The following MIGA2 variants were observed in gnomAD, a reference collection of about 807,000 sequenced individuals.
MIGA2 encodes mitoguardin 2, also known as family with sequence similarity 73, member B.
In MIGA2, 36 loss-of-function variants were observed where a neutral mutation model predicts 69.9. The observed-to-expected ratio is 0.52, with a 90% confidence interval of 0.39 to 0.68. The LOEUF (loss-of-function observed/expected upper bound fraction) is 0.68. Among genes scored for constraint, MIGA2 ranks in the 30% least tolerant of loss-of-function variants. The pLI is 0.00. For missense variants in MIGA2, 660 were observed against 787.7 expected, an observed-to-expected ratio of 0.84 and a Z score of 1.94; for synonymous variants, 333 against 349.2, an observed-to-expected ratio of 0.95 and a Z score of 0.52.
Position 129,061,335 on chromosome 9 carries a change from C to T in MIGA2, c.999C>T (p.Cys333=). The T allele has an allele frequency of 6.2e-7, 1 of 1,611,052 alleles. No individual in the cohort carries two copies. The highest frequency in any genetic ancestry group is 8.5e-7 in the Non-Finnish European group (1 of 1,179,262). The stretch of plus-strand genomic sequence containing the variant: ...TGGTGAAGGAGGGGAGAGTGCCTTG[C>T]CGGACCCTCAGGTGAGCAGGTGTGG... ...LQLVKEGRVP[C]RTLRTELLGC... The change falls in exon 9 of 16, where the codon TGC becomes TGT. Residue 333 remains cysteine (C), a synonymous_variant. Transcript: ENST00000684074. This position sits in a 1 kb window ranked among gnomAD's most constrained non-coding sequence, Gnocchi z 5.0.
At chr9:129,049,529 G>A in intron 5 of MIGA2, 31 bp downstream of exon 5, 1 of 1,601,784 alleles carries the variant, frequency 6.2e-7, no homozygotes, top group Non-Finnish European at 8.5e-7. Flanking sequence ...AGCTTCGAGG[G>A]CAGGGTGGGT....
In MIGA2 at chr9:129,049,947, C is replaced by T; in HGVS notation, c.659C>T (p.Ser220Leu). 2 of 1,613,308 alleles carry T rather than the reference C, an allele frequency of 1.2e-6. No individual in the cohort carries two copies. The highest frequency in any genetic ancestry group is 1.7e-6 in the Non-Finnish European group (2 of 1,179,832). ...GGCCTCCGGAACCCAGAGACTGCAT[C>T]AGAGCCACTGTCTGAGGTAGGTGGT... Reference protein sequence around the residue: ...RDGLRNPETASEPLSEPESQR... With the variant: ...RDGLRNPETALEPLSEPESQR... Residue 220 changes from serine to leucine, a missense_variant, in exon 6 of 16, where the codon TCA (serine) becomes TTA (leucine). Transcript: ENST00000684074.
intron 5 of MIGA2, 72 bp downstream of exon 5, chr9:129,049,570 C>A: frequency 6.7e-7 from 1 of 1,490,286 alleles, no homozygotes; most frequent in Non-Finnish European, 9.3e-7. Context: ...AGGAGCTTGG[C>A]CAGTCTTGGG....
intron 3 of MIGA2, among the ~76,000 whole-genome samples, chr9:129,044,698 A>T (rs2131346937): frequency 6.6e-6 from 1 of 152,106 alleles, no homozygotes; most frequent in Admixed American, 6.5e-5. Flanking sequence ...AATTACAGGC[A>T]TGAGCCACCA....
chr9:129,063,029 C>T (rs904559566), intron 9 of MIGA2: 15 of 594,404 alleles, frequency 2.5e-5, no homozygotes, highest in Middle Eastern at 4.4e-4. Context: ...GAGGCTGACA[C>T]GTCCTCAGAG....
intron 4 of MIGA2, among the ~76,000 whole-genome samples, chr9:129,048,858 G>A (rs1333728852): frequency 1.3e-5 from 2 of 152,190 alleles, no homozygotes; most frequent in Non-Finnish European, 2.9e-5. Context: ...CACTGGAGGT[G>A]TAGAGATAAA....
intron 6 of MIGA2, 56 bp downstream of exon 6, chr9:129,050,019 GA>G: frequency 1.3e-6 from 2 of 1,565,442 alleles, no homozygotes; most frequent in Non-Finnish European, 1.7e-6. Flanking sequence ...CAGCACAGGA[GA>G]GGGGCGGCCA....
In MIGA2 at chr9:129,069,131, T is replaced by C; in HGVS notation, c.1458+2T>C. The C allele has an allele frequency of 6.2e-7, 1 of 1,613,894 alleles. No individual in the cohort carries two copies. The highest frequency in any genetic ancestry group is 8.5e-7 in the Non-Finnish European group (1 of 1,179,944). On this transcript the variant is annotated splice_donor_variant, in intron 14 of 15. Coordinates refer to ENST00000684074, the MANE Select transcript of MIGA2 (RefSeq NM_001329990.2). LOFTEE classifies it high-confidence loss of function. This position sits in a 1 kb window ranked among gnomAD's most constrained non-coding sequence, Gnocchi z 4.9. ...AAAGCCAAGAGGAGGCTGCTGATGG[T>C]GAGTGACTGGCAGGCCCGGGGGAGC... is the stretch of plus-strand genomic sequence containing the variant.
intron 3 of MIGA2, among the ~76,000 whole-genome samples, chr9:129,043,867 A>AT (rs1299166223): frequency 1.3e-5 from 2 of 150,936 alleles, no homozygotes; most frequent in Admixed American, 1.3e-4. Flanking sequence ...AGCCCGGCTA[A>AT]TTTTTTGTAT....
At chr9:129,049,336 C>A (rs1320435608) in intron 4 of MIGA2, 45 bp from the exon 5 acceptor site, 3 of 1,587,416 alleles carry the variant, frequency 1.9e-6, no homozygotes, top group Non-Finnish European at 2.6e-6. Flanking sequence ...CTGCAGAGAG[C>A]CCGGGAAAGC....
Position 129,061,497 on chromosome 9 carries a change from C to CA in MIGA2, c.1010+151_1010+152insA. ...GGGCCGTGGTGAGCTGGTGACAGCT[C>CA]CTCCCCCAGCTGCAGAGGGCCTGGA... On this transcript the variant is annotated intron_variant, in intron 9 of 15. Transcript: ENST00000684074. The surrounding 1 kb of genome is among the most constrained non-coding windows in gnomAD (Gnocchi z 5.0). The CA allele has an allele frequency of 4.5e-6, 3 of 660,000 alleles. No homozygotes were observed. The highest frequency in any genetic ancestry group is 7.8e-6 in the Non-Finnish European group (3 of 384,894). 40.9% of individuals were successfully genotyped at this position (660,000 alleles called of 1,614,324 possible).
Position 129,069,183 on chromosome 9 carries a change from T to C in MIGA2, c.1458+54T>C, listed in dbSNP as rs1846530394. 2 of 1,610,014 alleles carry C rather than the reference T, an allele frequency of 1.2e-6. No individual in the cohort carries two copies. The highest frequency in any genetic ancestry group is 8.5e-7 in the Non-Finnish European group (1 of 1,177,866). Reference sequence around the variant, plus strand: ...CGAGCTGGGCTCTGAGGCAGCGTGGTGGGGAGCGGAGCGGGTGCAGGGTGG... The same window carrying C: ...CGAGCTGGGCTCTGAGGCAGCGTGGCGGGGAGCGGAGCGGGTGCAGGGTGG... On this transcript the variant is annotated intron_variant, in intron 14 of 15. Coordinates refer to ENST00000684074, the MANE Select transcript of MIGA2 (RefSeq NM_001329990.2). The surrounding 1 kb of genome is among the most constrained non-coding windows in gnomAD (Gnocchi z 4.9).
intron 11 of MIGA2, 142 bp from the exon 12 acceptor site, chr9:129,067,630 AG>A: frequency 1.4e-6 from 1 of 701,440 alleles, no homozygotes; most frequent in Non-Finnish European, 2.4e-6. Context: ...GCTGAGTAGG[AG>A]ACACTTCTCT....
chr9:129,039,727 TTTTTG>T, intron 1 of MIGA2: 1 of 54,662 alleles, frequency 1.8e-5, no homozygotes, highest in Non-Finnish European at 3.1e-5. Flanking sequence ...CCCAGCTAGT[TTTTTG>T]TTTGTTTGTT....
At chr9:129,063,464 G>T (rs1480243325) in intron 10 of MIGA2, 81 bp from the exon 11 acceptor site, 20 of 1,566,826 alleles carry the variant, frequency 1.3e-5, no homozygotes, top group African/African-American at 2.8e-5. Context: ...CACCTACCTG[G>T]CCTCTTATGT....
intron 6 of MIGA2, among the ~76,000 whole-genome samples, chr9:129,054,175 A>G (rs1845685864): frequency 6.6e-6 from 1 of 152,218 alleles, no homozygotes; most frequent in African/African-American, 2.4e-5. Flanking sequence ...CCCCTGGTCC[A>G]GCATGGTGGC....
chr9:129,039,010 G>A (rs1844746995), intron 1 of MIGA2, among the ~76,000 whole-genome samples: 1 of 151,556 alleles, frequency 6.6e-6, no homozygotes, highest in African/African-American at 2.4e-5. Context: ...GACCAGGCCA[G>A]TCTGGAAGTC....
intron 6 of MIGA2, among the ~76,000 whole-genome samples, chr9:129,055,864 A>T (rs943650467): frequency 2.6e-5 from 4 of 151,400 alleles, no homozygotes; most frequent in East Asian, 1.9e-4. Flanking sequence ...AAAAAAAAAA[A>T]TTTGGCCGGG....
intron 11 of MIGA2, 61 bp from the exon 12 acceptor site, chr9:129,067,712 G>T: frequency 6.6e-7 from 1 of 1,509,222 alleles, no homozygotes; most frequent in South Asian, 1.2e-5. Flanking sequence ...CCCATCCACA[G>T]GCCAGCCTGT....
Sources: gnomAD v4.1 joint callset for allele counts (sites outside exome capture counted in the v4.1 genomes callset) on GRCh38, gnomAD v4.1.1 for gene constraint, Gnocchi (gnomAD v3.1) non-coding constraint, MANE v1.5 for transcripts, NCBI Gene and HGNC (gene_info 2026-07-23, HGNC 2026-07-21) for gene names.